The following PTPRD variants were observed in gnomAD, a reference collection of about 807,000 sequenced individuals.
PTPRD encodes the protein protein tyrosine phosphatase receptor type D.
A neutral mutation model predicts 214.5 loss-of-function variants in PTPRD; 34 were observed. The observed-to-expected ratio is 0.16, with a 90% CI of 0.12 to 0.21. PTPRD has a LOEUF of 0.21. PTPRD is among the 10% of genes least tolerant of loss of function. The probability of loss-of-function intolerance (pLI) is 1.00; values close to 1 mark genes in which losing one functional copy is unlikely to be tolerated. For synonymous variants in PTPRD, 1,128 were observed against 845.7 expected, an observed-to-expected ratio of 1.33 and a Z score of -5.79; for missense variants, 2,545 against 2,398.7, an observed-to-expected ratio of 1.06 and a Z score of -1.27.
chr9:9,377,843 AAAT>A (rs2061202787), intron 9 of PTPRD, among the ~76,000 whole-genome samples: 1 of 151,838 alleles, frequency 6.6e-6, no homozygotes, highest in Non-Finnish European at 1.5e-5. Flanking sequence ...ATACTTCTTA[AAAT>A]AATATTTTAA....
intron 2 of PTPRD, among the ~76,000 whole-genome samples, chr9:10,386,402 A>G (rs1275862230): frequency 1.3e-5 from 2 of 151,836 alleles, no homozygotes; most frequent in African/African-American, 4.8e-5. Flanking sequence ...CTCTTCCTCC[A>G]TCATCAATCT....
intron 30 of PTPRD, among the ~76,000 whole-genome samples, chr9:8,477,292 T>C (rs1207840114): frequency 6.6e-6 from 1 of 152,140 alleles, no homozygotes; most frequent in East Asian, 1.9e-4. Context: ...TCAGAATCAA[T>C]ATATCTGGAA....
At chr9:8,584,683 G>T (rs10977218) in intron 14 of PTPRD, among the ~76,000 whole-genome samples, 3,518 of 152,118 alleles carry the variant, frequency 0.023, 108 homozygotes, top group East Asian at 0.14. Context: ...TAATAAGTTG[G>T]GTGTAAATAT....
chr9:10,258,783 A>G (rs1003603596), intron 3 of PTPRD, among the ~76,000 whole-genome samples: 2 of 152,174 alleles, frequency 1.3e-5, no homozygotes, highest in Non-Finnish European at 2.9e-5. Context: ...AATCCTAAGG[A>G]AAAACAAGTG....
intron 2 of PTPRD, among the ~76,000 whole-genome samples, chr9:10,376,754 A>G (rs1391510483): frequency 6.6e-6 from 1 of 151,810 alleles, no homozygotes; most frequent in Non-Finnish European, 1.5e-5. Context: ...TTATGTTTTT[A>G]TTTTTTAATT....
chr9:8,682,047 C>T (rs1276117153), intron 12 of PTPRD, among the ~76,000 whole-genome samples: 1 of 152,034 alleles, frequency 6.6e-6, no homozygotes, highest in Admixed American at 6.6e-5. Flanking sequence ...CACTTCATAG[C>T]CCACATTTAT....
At chr9:10,330,465 C>A (rs1436946308) in intron 3 of PTPRD, among the ~76,000 whole-genome samples, 1 of 151,762 alleles carries the variant, frequency 6.6e-6, no homozygotes, top group Non-Finnish European at 1.5e-5. Flanking sequence ...CTTCCCCCAA[C>A]ACATTTTTTG....
intron 5 of PTPRD, among the ~76,000 whole-genome samples, chr9:9,825,880 A>G (rs1225396154): frequency 6.6e-6 from 1 of 151,686 alleles, no homozygotes; most frequent in African/African-American, 2.4e-5. Context: ...TAGGTGTCCA[A>G]ATGACACATT....
At chr9:9,294,584 G>T (rs763346058) in intron 9 of PTPRD, among the ~76,000 whole-genome samples, 3 of 151,606 alleles carry the variant, frequency 2.0e-5, no homozygotes, top group East Asian at 3.9e-4. Context: ...ACACCAGAGC[G>T]CTCTGTGTGC....
intron 11 of PTPRD, among the ~76,000 whole-genome samples, chr9:8,916,204 C>A (rs115939983): frequency 0.011 from 1,669 of 152,022 alleles, 35 homozygotes; most frequent in African/African-American, 0.038. Flanking sequence ...TGGGAGTCAA[C>A]AGCATGTAGA....
rs1019662294 is a variant in PTPRD at position 10,101,581 on chromosome 9, A to G, written c.-544-67791T>C. 4.0e-5 allele frequency among the ~76,000 whole-genome samples: 6 copies of G among 151,662 alleles called. No individual in the cohort carries two copies. In the Admixed American group the frequency reaches 4.0e-4, roughly 10 times the overall value. On this transcript the variant is annotated intron_variant, in intron 3 of 45. Coordinates refer to ENST00000381196, the MANE Select transcript of PTPRD (RefSeq NM_002839.4). ...TACCATAGAAGGATCACCTTCAATGATAGAAACAGTTCTTACCTCCATTTC... is the reference window on the plus strand; with the variant it reads ...TACCATAGAAGGATCACCTTCAATGGTAGAAACAGTTCTTACCTCCATTTC...
intron 11 of PTPRD, among the ~76,000 whole-genome samples, chr9:8,984,101 T>C (rs1423214635): frequency 2.0e-5 from 3 of 152,066 alleles, no homozygotes; most frequent in Admixed American, 2.0e-4. Context: ...CATGTGTATA[T>C]TGGAAGAGCC....
intron 8 of PTPRD, among the ~76,000 whole-genome samples, chr9:9,515,570 G>A (rs887381230): frequency 1.3e-4 from 20 of 151,606 alleles, no homozygotes; most frequent in Non-Finnish European, 2.1e-4. Flanking sequence ...TTCTCGAGGT[G>A]GTTGCAAAAT....
intron 2 of PTPRD, among the ~76,000 whole-genome samples, chr9:10,534,961 G>A (rs2057386485): frequency 6.6e-6 from 1 of 152,152 alleles, no homozygotes; most frequent in Non-Finnish European, 1.5e-5. Flanking sequence ...GCCCACTTCA[G>A]TTTATGTAGG....
intron 9 of PTPRD, among the ~76,000 whole-genome samples, chr9:9,266,949 G>A (rs911719903): frequency 1.3e-5 from 2 of 151,064 alleles, no homozygotes; most frequent in African/African-American, 4.8e-5. Context: ...ACAAATTTCA[G>A]AGCATAAATA....
At chr9:10,413,722 C>G (rs1274723561) in intron 2 of PTPRD, among the ~76,000 whole-genome samples, 1 of 151,870 alleles carries the variant, frequency 6.6e-6, no homozygotes, top group Non-Finnish European at 1.5e-5. Flanking sequence ...TACGTGGCTA[C>G]AGTATACAAA....
At chr9:8,341,405 T>C in intron 40 of PTPRD, 137 bp from the exon 41 acceptor site, 1 of 976,856 alleles carries the variant, frequency 1.0e-6, no homozygotes, top group Non-Finnish European at 1.5e-6. Flanking sequence ...ATTCAAATTG[T>C]ACTGCTTTTC....
At chr9:9,376,098 C>T (rs1252213923) in intron 9 of PTPRD, among the ~76,000 whole-genome samples, 1 of 151,572 alleles carries the variant, frequency 6.6e-6, no homozygotes, top group African/African-American at 2.4e-5. Flanking sequence ...TAGATCTTAA[C>T]ATTCTACTAT....
chr9:8,339,321 A>ATACTT (rs946929736), intron 42 of PTPRD, among the ~76,000 whole-genome samples: 2 of 152,238 alleles, frequency 1.3e-5, no homozygotes, highest in Admixed American at 1.3e-4. Flanking sequence ...TGAGAATTGA[A>ATACTT]TACTTTCATA....
Sources: gnomAD v4.1 joint callset for allele counts (sites outside exome capture counted in the v4.1 genomes callset) on GRCh38, gnomAD v4.1.1 for gene constraint, MANE v1.5 for transcripts, NCBI Gene and HGNC (gene_info 2026-07-23, HGNC 2026-07-21) for gene names.